Variants in PLAGL1 observed in about 807,000 individuals in gnomAD.
The protein encoded by PLAGL1 is zinc finger protein PLAGL1.
A neutral mutation model predicts 4.6 loss-of-function variants in PLAGL1; 1 was observed. The observed-to-expected ratio is 0.22, with a 90% CI of 0.08 to 1.03. The LOEUF is 1.03. PLAGL1 is among the 50% of genes least tolerant of loss of function. PLAGL1 has a pLI of 0.58. For missense variants in PLAGL1, 464 were observed against 570.4 expected, an observed-to-expected ratio of 0.81 and a Z score of 1.90; for synonymous variants, 240 against 237.8, an observed-to-expected ratio of 1.01 and a Z score of -0.08.
At chr6:144,031,128 G>C (rs573949331) in intron 1 of PLAGL1, among the ~76,000 whole-genome samples, 3 of 152,094 alleles carry the variant, frequency 2.0e-5, no homozygotes, top group African/African-American at 4.8e-5. Context: ...CCATATGCTT[G>C]TTGGCCATTT....
In PLAGL1 at chr6:144,032,121, AT is replaced by A. The variant is rs111598351; in HGVS notation, c.-151+32346del. On this transcript the variant is annotated intron_variant, in intron 1 of 3. Coordinates refer to the PLAGL1 transcript ENST00000437412. ...CAAGTTTCTCCCTATAACTTATTGC[AT>A]TTTTTTTTTTTTGAGACAGAGTATC... Among the ~76,000 whole-genome samples the A allele has an allele frequency of 6.8e-3, 966 of 142,182 alleles. 7 individuals are homozygous for A. Among genetic ancestry groups the A allele is most frequent in the African/African-American group, 0.015 (602 of 39,096 alleles). The allele number at this position is 142,182 out of a possible 152,430, so 93.3% of individuals were successfully genotyped here. A position where few individuals can be genotyped will look rare whatever the true frequency, so the allele number is the denominator to read the frequency against.
chr6:143,970,082 C>A lies in PLAGL1; in HGVS notation c.-543-1104G>T, dbSNP rs572207049. Among the ~76,000 whole-genome samples the A allele has an allele frequency of 2.6e-5, 4 of 152,326 alleles. No homozygotes were observed. Among genetic ancestry groups the A allele is most frequent in the African/African-American group, 9.6e-5 (4 of 41,578 alleles). Reference sequence around the variant, plus strand: ...ATTCATTACTGATTAGCAGTGCAATCCAATTGGATGAATACTTGAGCACCA... The same window carrying A: ...ATTCATTACTGATTAGCAGTGCAATACAATTGGATGAATACTTGAGCACCA... On this transcript the variant is annotated intron_variant, in intron 2 of 7. Transcript: ENST00000674357. The surrounding 1 kb of genome is among the most constrained non-coding windows in gnomAD (Gnocchi z 5.8).
chr6:143,961,125 T>C lies in PLAGL1; in HGVS notation c.-398-583A>G, dbSNP rs894287027. On this transcript the variant is annotated intron_variant, in intron 5 of 7. Coordinates refer to ENST00000674357, the MANE Select transcript of PLAGL1 (RefSeq NM_001317162.2). The surrounding 1 kb of genome is among the most constrained non-coding windows in gnomAD (Gnocchi z 6.5). ...GATTCCTGGGTGGCCACAGGGCAAA[T>C]CAGTACAGACTAAAACAGCATCACT... The C allele has an allele frequency of 1.3e-5, 2 of 152,194 alleles. No individual in the cohort carries two copies. The highest frequency in any genetic ancestry group is 2.9e-5 in the Non-Finnish European group (2 of 68,052). The allele number at this position is 152,194 out of a possible 1,614,324, so 9.4% of individuals were successfully genotyped here. A position where few individuals can be genotyped will look rare whatever the true frequency, so the allele number is the denominator to read the frequency against.
At chr6:143,998,448 A>C (rs1792142977) in intron 1 of PLAGL1, among the ~76,000 whole-genome samples, 1 of 152,222 alleles carries the variant, frequency 6.6e-6, no homozygotes, top group South Asian at 2.1e-4. Context: ...AAGTTTCCTA[A>C]TCTCTTTGAT....
chr6:144,010,100 T>C (rs190822923), upstream of PLAGL1, among the ~76,000 whole-genome samples: 22 of 152,326 alleles, frequency 1.4e-4, no homozygotes, highest in Admixed American at 1.4e-3. This position sits in a 1 kb window ranked among gnomAD's most constrained non-coding sequence, Gnocchi z 4.1. Flanking sequence ...CCACACTGTC[T>C]TCCACGATGG....
rs34472088 is a variant in PLAGL1, at chr6:144,004,184, ATTTTTTTT to A, written c.-584+3898_-584+3905del. 6.7e-6 allele frequency among the ~76,000 whole-genome samples: 1 copy of A among 149,240 alleles called. No individual in the cohort carries two copies. Among genetic ancestry groups the A allele is most frequent in the African/African-American group, 2.5e-5 (1 of 40,598 alleles). Reference sequence around the variant, plus strand: ...AAATGGGGATAACTATGTTCCAGTAATTTTTTTTTTTTTTAAGATGGGGTCATCTCACT... The same window carrying A: ...AAATGGGGATAACTATGTTCCAGTAATTTTTTAAGATGGGGTCATCTCACT... On this transcript the variant is annotated intron_variant, in intron 1 of 7. Transcript: ENST00000674357. This position sits in a 1 kb window ranked among gnomAD's most constrained non-coding sequence, Gnocchi z 4.2.
In PLAGL1 at chr6:144,004,806, G is replaced by A. The variant is rs535134271; in HGVS notation, c.-584+3284C>T. The A allele has an allele frequency of 3.3e-5, 5 of 152,018 alleles. No homozygotes were observed. In the South Asian group the frequency reaches 1.0e-3, roughly 32 times the overall value. 9.4% of individuals were successfully genotyped at this position (152,018 alleles called of 1,614,324 possible). On this transcript the variant is annotated intron_variant, in intron 1 of 7. Transcript: ENST00000674357. This position sits in a 1 kb window ranked among gnomAD's most constrained non-coding sequence, Gnocchi z 4.2. ...TACCTTAAAAGATGTGGGTGATAGA[G>A]TGAGGAAGTCTAACAGAAGTCTAAT... is the stretch of plus-strand genomic sequence containing the variant.
chr6:144,007,346 G>A (rs1039832560), intron 1 of PLAGL1: 1 of 152,170 alleles, frequency 6.6e-6, no homozygotes, highest in Non-Finnish European at 1.5e-5. Flanking sequence ...GAAAGCACCC[G>A]GGAGGGGCCT....
intron 1 of PLAGL1, among the ~76,000 whole-genome samples, chr6:144,028,783 T>G (rs1796563578): frequency 6.6e-6 from 1 of 152,252 alleles, no homozygotes; most frequent in African/African-American, 2.4e-5. Flanking sequence ...GCTTGTTATC[T>G]ACGTGCTGGG....
At chr6:143,976,105 G>A (rs1786464059) in intron 2 of PLAGL1, among the ~76,000 whole-genome samples, 1 of 151,786 alleles carries the variant, frequency 6.6e-6, no homozygotes, top group Admixed American at 6.6e-5. Context: ...CTATTACTGG[G>A]CGGTGGCATA....
chr6:143,947,946 G>T lies in PLAGL1; in HGVS notation c.152+39C>A. 2 of 1,576,448 alleles carry T rather than the reference G, an allele frequency of 1.3e-6. No homozygotes were observed. The highest frequency in any genetic ancestry group is 2.3e-5 in the East Asian group (1 of 44,316). ...TGAGGGCTAGAAAAGCCATTTAAAC[G>T]TACTTCTAAAAGTGCATACCTTTGC... On this transcript the variant is annotated intron_variant, in intron 7 of 7. Transcript: ENST00000674357. This position sits in a 1 kb window ranked among gnomAD's most constrained non-coding sequence, Gnocchi z 4.3.
Position 143,941,287 on chromosome 6 carries a change from T to TATC in PLAGL1, c.*134_*136dup, listed in dbSNP as rs552001777. 1.1e-3 allele frequency: 656 copies of TATC among 618,260 alleles called. 1 individual carries two copies. The highest frequency in any genetic ancestry group is 1.5e-3 in the Non-Finnish European group (564 of 377,484). 38.3% of individuals were successfully genotyped at this position (618,260 alleles called of 1,614,324 possible). ...AATACATGCAGTTCGAGAATTCTCTTATCATCTCAAGCCAGTCATCACTGA... is the reference window on the plus strand; with the variant it reads ...AATACATGCAGTTCGAGAATTCTCTTATCATCATCTCAAGCCAGTCATCACTGA... On this transcript the variant is annotated 3_prime_UTR_variant, in exon 8 of 8. Coordinates refer to ENST00000674357, the MANE Select transcript of PLAGL1 (RefSeq NM_001317162.2). This position sits in a 1 kb window ranked among gnomAD's most constrained non-coding sequence, Gnocchi z 6.0.
intron 1 of PLAGL1, among the ~76,000 whole-genome samples, chr6:144,044,987 A>G (rs1339950552): frequency 7.9e-6 from 1 of 127,022 alleles, no homozygotes; most frequent in Non-Finnish European, 1.7e-5. Flanking sequence ...AGAGACTAGG[A>G]TTGCAACCCC....
Position 143,949,565 on chromosome 6 carries a change from T to C in PLAGL1, c.-324-1105A>G, listed in dbSNP as rs1780579034. Among the ~76,000 whole-genome samples, 1 of 152,154 alleles carries C rather than the reference T, an allele frequency of 6.6e-6. No homozygotes were observed. Among genetic ancestry groups the C allele is most frequent in the Non-Finnish European group, 1.5e-5 (1 of 68,026 alleles). ...CTCTACCTGCCACTACCTGCCAGGG[T>C]AAAGCCCTGGATCACTACCACCCTG... On this transcript the variant is annotated intron_variant, in intron 6 of 7. Coordinates refer to ENST00000674357, the MANE Select transcript of PLAGL1 (RefSeq NM_001317162.2). The surrounding 1 kb of genome is among the most constrained non-coding windows in gnomAD (Gnocchi z 5.3).
At chr6:144,026,492 T>C (rs1796352120) in intron 1 of PLAGL1, among the ~76,000 whole-genome samples, 1 of 152,222 alleles carries the variant, frequency 6.6e-6, no homozygotes, top group Middle Eastern at 3.2e-3. Context: ...AAAGAATTTA[T>C]AGCAGCTGTC....
At position 143,985,536 on chromosome 6, in the gene PLAGL1, C is replaced by T. The variant is rs1788818519; in HGVS notation, c.-583-362G>A. 6.6e-6 allele frequency among the ~76,000 whole-genome samples: 1 copy of T among 152,150 alleles called. No individual in the cohort carries two copies. Among genetic ancestry groups the T allele is most frequent in the African/African-American group, 2.4e-5 (1 of 41,436 alleles). On this transcript the variant is annotated intron_variant, in intron 1 of 7. Transcript: ENST00000674357. This position sits in a 1 kb window ranked among gnomAD's most constrained non-coding sequence, Gnocchi z 4.4. ...CCTCCTTTGCCAAAATCTCTTTCTG[C>T]CCCTGACCCATTGCACATCTATTTT...
intron 1 of PLAGL1, among the ~76,000 whole-genome samples, chr6:144,033,158 A>C (rs1193952042): frequency 6.6e-6 from 1 of 152,236 alleles, no homozygotes; most frequent in African/African-American, 2.4e-5. Flanking sequence ...TCATACCACA[A>C]GAAGTGCGCA....
chr6:144,031,379 T>C (rs1195501966), intron 1 of PLAGL1, among the ~76,000 whole-genome samples: 1 of 152,220 alleles, frequency 6.6e-6, no homozygotes, highest in Non-Finnish European at 1.5e-5. Flanking sequence ...TTATATTTGT[T>C]TTTGTTGCTT....
Position 143,941,824 on chromosome 6 carries a change from A to G in PLAGL1, c.992T>C (p.Phe331Ser). The change falls in exon 8 of 8, where the codon TTT becomes TCT. Residue 331 changes from phenylalanine (F) to serine (S), a missense_variant. This residue lies in a region of PLAGL1 where 248 missense variants were observed against 250.1 expected (regional missense o/e 0.99). Transcript: ENST00000674357. The surrounding 1 kb of genome is among the most constrained non-coding windows in gnomAD (Gnocchi z 6.0). ...AGGCTCTTGCAGAGGCAAGTCCTCAAACAAACTGATATTGCAAAAACCTTT... is the reference window on the plus strand; with the variant it reads ...AGGCTCTTGCAGAGGCAAGTCCTCAGACAAACTGATATTGCAAAAACCTTT... ...DTKGFCNISL[F>S]EDLPLQEPQS... 2 of 1,614,252 alleles carry G rather than the reference A, an allele frequency of 1.2e-6. No homozygotes were observed. Among genetic ancestry groups the G allele is most frequent in the Non-Finnish European group, 1.7e-6 (2 of 1,180,046 alleles).
Sources: gnomAD v4.1 joint callset for allele counts (sites outside exome capture counted in the v4.1 genomes callset) on GRCh38, gnomAD v4.1.1 for gene constraint, gnomAD v4.1.1 regional missense constraint, Gnocchi (gnomAD v3.1) non-coding constraint, MANE v1.5 for transcripts, NCBI Gene and HGNC (gene_info 2026-07-23, HGNC 2026-07-21) for gene names.